Variants in STK32B observed in about 807,000 individuals in gnomAD.
The protein encoded by STK32B is serine/threonine kinase 32B, also known as serine/threonine-protein kinase 32B.
Under a neutral mutation model 52.6 loss-of-function variants are expected in STK32B, and 43 were observed. The observed-to-expected ratio is 0.82, with a 90% CI of 0.64 to 1.05. STK32B has a LOEUF of 1.05. STK32B is among the 50% of genes least tolerant of loss of function. STK32B has a pLI of 0.00. For synonymous variants in STK32B, 238 were observed against 204.3 expected, an observed-to-expected ratio of 1.17 and a Z score of -1.41; for missense variants, 621 against 534.6, an observed-to-expected ratio of 1.16 and a Z score of -1.59.
chr4:5,090,845 G>A (rs1400010641), intron 1 of STK32B, among the ~76,000 whole-genome samples: 2 of 152,134 alleles, frequency 1.3e-5, no homozygotes, highest in South Asian at 4.1e-4. Flanking sequence ...TGTTATTTCT[G>A]AAGTCTGTGT....
intron 2 of STK32B, among the ~76,000 whole-genome samples, chr4:5,142,429 T>G (rs1170680970): frequency 6.6e-6 from 1 of 152,242 alleles, no homozygotes; most frequent in African/African-American, 2.4e-5. Context: ...AACTTTAATT[T>G]GTCTTTTCTA....
At chr4:5,260,603 A>G (rs1272017707) in intron 3 of STK32B, among the ~76,000 whole-genome samples, 1 of 152,160 alleles carries the variant, frequency 6.6e-6, no homozygotes, top group Non-Finnish European at 1.5e-5. Context: ...CTTCTGGAAA[A>G]GGAGAGAAAC....
At position 5,380,064 on chromosome 4, in the gene STK32B, C is replaced by A. The variant is rs886338366; in HGVS notation, c.435-18143C>A. Among the ~76,000 whole-genome samples the A allele has an allele frequency of 2.0e-5, 3 of 152,174 alleles. No homozygotes were observed. The highest frequency in any genetic ancestry group is 6.5e-5 in the Admixed American group (1 of 15,276). Reference sequence around the variant, plus strand: ...GAAAACCACTGCCTCGATCACGGGGCTATGCTCACTGTGCAGAGCATCTCC... The same window carrying A: ...GAAAACCACTGCCTCGATCACGGGGATATGCTCACTGTGCAGAGCATCTCC... On this transcript the variant is annotated intron_variant, in intron 4 of 11. Transcript: ENST00000282908. This position sits in a 1 kb window ranked among gnomAD's most constrained non-coding sequence, Gnocchi z 4.3.
At chr4:5,208,451 A>G (rs960150881) in intron 3 of STK32B, among the ~76,000 whole-genome samples, 5 of 152,358 alleles carry the variant, frequency 3.3e-5, no homozygotes, top group Middle Eastern at 3.4e-3. Context: ...TACTGCATAT[A>G]CAACACTTTG....
intron 1 of STK32B, among the ~76,000 whole-genome samples, chr4:5,065,639 G>C (rs552576543): frequency 2.6e-5 from 4 of 152,284 alleles, no homozygotes; most frequent in South Asian, 2.1e-4. Context: ...TGTCTACAGG[G>C]TCCAGCTCCA....
chr4:5,431,799 C>G (rs925789385), intron 6 of STK32B, among the ~76,000 whole-genome samples: 2 of 152,144 alleles, frequency 1.3e-5, no homozygotes, highest in Non-Finnish European at 2.9e-5. Context: ...TTCATGTTAT[C>G]TCAAATTAAT....
chr4:5,191,679 G>A (rs1455507885), intron 3 of STK32B, among the ~76,000 whole-genome samples: 1 of 152,188 alleles, frequency 6.6e-6, no homozygotes, highest in Non-Finnish European at 1.5e-5. Context: ...GAGTCTGAAA[G>A]TTGACCACCC....
chr4:5,404,689 C>A (rs1737536062), intron 5 of STK32B, among the ~76,000 whole-genome samples: 1 of 151,694 alleles, frequency 6.6e-6, no homozygotes, highest in South Asian at 2.1e-4. Flanking sequence ...GCGTGTTACC[C>A]TCCTCGCTCC....
At chr4:5,374,466 A>T (rs926449360) in intron 4 of STK32B, among the ~76,000 whole-genome samples, 1 of 152,210 alleles carries the variant, frequency 6.6e-6, no homozygotes, top group Non-Finnish European at 1.5e-5. Context: ...GTCTTAGCCC[A>T]TTCAGGCTGC....
chr4:5,178,102 C>G (rs6832665), intron 3 of STK32B, among the ~76,000 whole-genome samples: 3,813 of 152,314 alleles, frequency 0.025, 154 homozygotes, highest in African/African-American at 0.087. Context: ...ATTGCCCTAG[C>G]AGAGGTTCTC....
At chr4:5,176,422 C>T (rs1044632715) in intron 3 of STK32B, among the ~76,000 whole-genome samples, 2 of 148,792 alleles carry the variant, frequency 1.3e-5, no homozygotes, top group Non-Finnish European at 3.0e-5. Flanking sequence ...TGGAGCTGTT[C>T]CTATTCGGCC....
chr4:5,146,707 T>C (rs574421767), intron 2 of STK32B, among the ~76,000 whole-genome samples: 1 of 152,322 alleles, frequency 6.6e-6, no homozygotes, highest in East Asian at 1.9e-4. Flanking sequence ...ACAGATTGCT[T>C]TGGGGTTCAT....
chr4:5,446,610 C>T (rs1298687827), intron 6 of STK32B, 63 bp from the exon 7 acceptor site: 1 of 1,385,446 alleles, frequency 7.2e-7, no homozygotes, highest in Non-Finnish European at 1.0e-6. Flanking sequence ...TGTCCCCTCT[C>T]TAAGGGGTGG....
intron 4 of STK32B, among the ~76,000 whole-genome samples, chr4:5,393,240 T>G (rs1195974325): frequency 6.6e-6 from 1 of 152,194 alleles, no homozygotes; most frequent in Non-Finnish European, 1.5e-5. Context: ...TACTGAAATG[T>G]CTTTGCCCCA....
At chr4:5,039,404 C>G in the STK32B span, among the ~76,000 whole-genome samples, 4 of 152,172 alleles carry the variant, frequency 2.6e-5, no homozygotes, top group Non-Finnish European at 4.4e-5. Context: ...TAGCCTAGGT[C>G]TCACAGGGTC....
At chr4:5,174,047 A>G (rs1719615111) in intron 3 of STK32B, among the ~76,000 whole-genome samples, 1 of 152,144 alleles carries the variant, frequency 6.6e-6, no homozygotes, top group South Asian at 2.1e-4. Flanking sequence ...TCCCTTTACC[A>G]TTATGTAATG....
intron 1 of STK32B, among the ~76,000 whole-genome samples, chr4:5,087,960 T>C (rs4554011): frequency 0.39 from 59,082 of 151,914 alleles, 12,215 homozygotes; most frequent in Non-Finnish European, 0.47. Context: ...TGGACATGTA[T>C]ATAACAGTCC....
At chr4:5,351,253 T>C (rs961941168) in intron 4 of STK32B, among the ~76,000 whole-genome samples, 1 of 152,082 alleles carries the variant, frequency 6.6e-6, no homozygotes, top group African/African-American at 2.4e-5. Flanking sequence ...ATTGAAATTA[T>C]GTCAAATGTT....
chr4:5,144,540 T>C lies in STK32B; in HGVS notation c.108+4580T>C, dbSNP rs150655955. ...GACAGGCAGGGCTGTTGTGTATACT[T>C]AAGTTCCCAGAATATCTCACCATGT... On this transcript the variant is annotated intron_variant, in intron 2 of 11. Transcript: ENST00000282908. Among the ~76,000 whole-genome samples, 14 of 152,298 alleles carry C rather than the reference T, an allele frequency of 9.2e-5. No homozygotes were observed. In the East Asian group the frequency reaches 2.5e-3, roughly 27 times the overall value.
Sources: gnomAD v4.1 joint callset for allele counts (sites outside exome capture counted in the v4.1 genomes callset) on GRCh38, gnomAD v4.1.1 for gene constraint, Gnocchi (gnomAD v3.1) non-coding constraint, MANE v1.5 for transcripts, NCBI Gene and HGNC (gene_info 2026-07-23, HGNC 2026-07-21) for gene names.